Variants in NIN observed in about 807,000 individuals in gnomAD.
NIN encodes the protein glycogen synthase kinase 3 beta-interacting protein.
A neutral mutation model predicts 257.6 loss-of-function variants in NIN; 137 were observed. The observed-to-expected ratio is 0.53, with a 90% CI of 0.46 to 0.61. The LOEUF is 0.61. NIN is among the 20% of genes least tolerant of loss of function. The pLI is 0.00. For missense variants in NIN, 2,439 were observed against 2,501.2 expected, an observed-to-expected ratio of 0.98 and a Z score of 0.53; for synonymous variants, 918 against 919.8, an observed-to-expected ratio of 1.00 and a Z score of 0.04.
At chr14:50,775,288 G>A (rs1156690915) in intron 7 of NIN, among the ~76,000 whole-genome samples, 1 of 152,038 alleles carries the variant, frequency 6.6e-6, no homozygotes, top group Non-Finnish European at 1.5e-5. Context: ...ATTCGGCATC[G>A]GGCATGCTGG....
At chr14:50,746,880 A>G (rs1188857231) in intron 22 of NIN, among the ~76,000 whole-genome samples, 1 of 149,706 alleles carries the variant, frequency 6.7e-6, no homozygotes, top group Admixed American at 6.6e-5. Context: ...TTTTTGAGAC[A>G]GAGTATTCTG....
chr14:50,739,433 T>A lies in NIN; in HGVS notation c.5503A>T (p.Arg1835Trp). Residue 1835 changes from arginine (R) to tryptophan (W), a missense_variant, in exon 26 of 31, where the codon AGG (arginine) becomes TGG (tryptophan). By Grantham distance (101) the Arg-to-Trp change is moderately radical. Transcript: ENST00000530997. ...HPSGLHNQQK[R>W]LSWDKLDHLM... ...TGATCCAACTTGTCCCAGGACAGCC[T>A]TTTCTGCTGGTTATGGAGCCCTGAT... is the stretch of plus-strand genomic sequence containing the variant. 3 of 1,614,190 alleles carry A rather than the reference T, an allele frequency of 1.9e-6. No individual in the cohort carries two copies. The highest frequency in any genetic ancestry group is 2.5e-6 in the Non-Finnish European group (3 of 1,180,010).
At chr14:50,811,265 C>T (rs1401065244) in intron 3 of NIN, among the ~76,000 whole-genome samples, 31 of 151,992 alleles carry the variant, frequency 2.0e-4, no homozygotes, top group Admixed American at 3.9e-4. Flanking sequence ...CCCACCACCA[C>T]GCCCAGCTAA....
intron 7 of NIN, 98 bp downstream of exon 7, chr14:50,776,851 T>C (rs899599213): frequency 1.9e-6 from 2 of 1,080,324 alleles, no homozygotes; most frequent in Non-Finnish European, 1.3e-6. Flanking sequence ...AAATGGAGCC[T>C]AACAAGCTGC....
At chr14:50,727,587 C>G (rs1595693351) in intron 29 of NIN, 1 of 1,369,812 alleles carries the variant, frequency 7.3e-7, no homozygotes, top group Non-Finnish European at 9.7e-7. Context: ...CACTTAATTC[C>G]AACATATCTT....
At chr14:50,759,757 G>A (rs1237538046) in intron 17 of NIN, 100 bp downstream of exon 17, 2 of 1,296,170 alleles carry the variant, frequency 1.5e-6, no homozygotes, top group African/African-American at 3.0e-5. Flanking sequence ...CCAGAGTGCT[G>A]GGATTACAGG....
chr14:50,804,872 A>T (rs918222552), intron 4 of NIN, among the ~76,000 whole-genome samples: 2 of 152,036 alleles, frequency 1.3e-5, no homozygotes, highest in South Asian at 4.1e-4. Flanking sequence ...GTTGGGCCGC[A>T]TTCAAAACTG....
chr14:50,770,814 G>T, intron 11 of NIN, 38 bp downstream of exon 11: 1 of 1,597,192 alleles, frequency 6.3e-7, no homozygotes. Context: ...CTGGGCCAGG[G>T]TGGTGGGTGA....
chr14:50,821,137 TATTA>T (rs2045196293), intron 3 of NIN, among the ~76,000 whole-genome samples: 2 of 152,228 alleles, frequency 1.3e-5, no homozygotes, highest in Admixed American at 6.5e-5. Flanking sequence ...TATAAATAGC[TATTA>T]ATTATAAATA....
intron 3 of NIN, among the ~76,000 whole-genome samples, chr14:50,815,453 T>C (rs2044848020): frequency 6.6e-6 from 1 of 152,224 alleles, no homozygotes; most frequent in African/African-American, 2.4e-5. Context: ...GAGTGTAAAC[T>C]AGTTCAACCA....
rs994380472 is a variant in NIN, at chr14:50,720,650, A to T, written c.*2813T>A. On this transcript the variant is annotated 3_prime_UTR_variant, in exon 31 of 31. Transcript: ENST00000530997. ...ACAGTTTAAAAAATCTGGATTTAGT[A>T]AGAGTTTTAGAAAAATAAATAAAAC... 25 of 206,976 alleles carry T rather than the reference A, an allele frequency of 1.2e-4. No individual in the cohort carries two copies. Among genetic ancestry groups the T allele is most frequent in the Middle Eastern group, 3.0e-3 (2 of 660 alleles). 12.8% of individuals were successfully genotyped at this position (206,976 alleles called of 1,614,324 possible). A position where few individuals can be genotyped will look rare whatever the true frequency, so the allele number is the denominator to read the frequency against.
Position 50,752,531 on chromosome 14 carries a change from C to T in NIN, c.4937G>A (p.Arg1646His), listed in dbSNP as rs149669464. Residue 1646 changes from arginine (R) to histidine (H), a missense_variant, in exon 21 of 31, where the codon CGT becomes CAT. By Grantham distance (29) the Arg-to-His change is conservative. Transcript: ENST00000530997. ...TACAGGCCATACCTGCACTTTACAA[C>T]GTTCCAGTTCTTCTTTCAGATTAAA... ...EKFNLKEELE[R>H]CKVQSSTLVS... is the part of the protein sequence containing the mutation. 9.2e-4 allele frequency: 1,490 copies of T among 1,613,452 alleles called. 19 individuals carry two copies. The East Asian group carries it at 0.019, about 20-fold the overall frequency.
At chr14:50,797,180 A>C (rs1367568764) in intron 4 of NIN, among the ~76,000 whole-genome samples, 2 of 152,206 alleles carry the variant, frequency 1.3e-5, no homozygotes, top group Non-Finnish European at 2.9e-5. Context: ...TAGGCAAAAC[A>C]TTACGTTGTA....
intron 3 of NIN, among the ~76,000 whole-genome samples, chr14:50,810,783 C>G (rs1304873020): frequency 1.3e-5 from 2 of 151,978 alleles, no homozygotes; most frequent in Non-Finnish European, 2.9e-5. Flanking sequence ...GCCTCAGCCT[C>G]CCGAGTAGCT....
At chr14:50,733,209 C>T (rs931244059) in intron 28 of NIN, among the ~76,000 whole-genome samples, 2 of 152,140 alleles carry the variant, frequency 1.3e-5, no homozygotes, top group African/African-American at 4.8e-5. Context: ...TCTCCTGCCT[C>T]AGCCTCCTGA....
chr14:50,723,359 G>A lies in NIN; in HGVS notation c.*104C>T, dbSNP rs2040305955. On this transcript the variant is annotated 3_prime_UTR_variant, in exon 31 of 31. Transcript: ENST00000530997. The stretch of plus-strand genomic sequence containing the variant: ...TATGATAAATGGAAACTCCAGTTGT[G>A]TTGCTGGCAGTTTTAGGTTAGGCTT... 1.1e-6 allele frequency: 1 copy of A among 885,088 alleles called. No homozygotes were observed. Among genetic ancestry groups the A allele is most frequent in the South Asian group, 1.7e-5 (1 of 59,656 alleles). 54.8% of individuals were successfully genotyped at this position (885,088 alleles called of 1,614,324 possible). A position where few individuals can be genotyped will look rare whatever the true frequency, so the allele number is the denominator to read the frequency against.
chr14:50,763,794 G>T, intron 15 of NIN, 32 bp downstream of exon 15: 1 of 1,598,278 alleles, frequency 6.3e-7, no homozygotes, highest in Non-Finnish European at 8.6e-7. Context: ...AAGAGTAAAG[G>T]CTTTATCTAC....
At chr14:50,763,096 A>C (rs528361566) in intron 15 of NIN, among the ~76,000 whole-genome samples, 1 of 152,240 alleles carries the variant, frequency 6.6e-6, no homozygotes, top group East Asian at 1.9e-4. Context: ...TTCTGCAGTA[A>C]GAGGAGGAAT....
chr14:50,802,806 A>G (rs1202087393), intron 4 of NIN, among the ~76,000 whole-genome samples: 1 of 152,194 alleles, frequency 6.6e-6, no homozygotes, highest in Non-Finnish European at 1.5e-5. Flanking sequence ...CAGAACCAGC[A>G]TTTCCTAACT....
Sources: allele counts gnomAD v4.1 joint callset (sites outside exome capture counted in the v4.1 genomes callset), GRCh38; gene constraint gnomAD v4.1.1; transcripts MANE v1.5; gene names NCBI Gene and HGNC (gene_info 2026-07-23, HGNC 2026-07-21).